ZMAT4: variants seen among roughly 807,000 people sequenced by gnomAD.
ZMAT4 encodes the protein zinc finger matrin-type protein 4.
Under a neutral mutation model 28.7 loss-of-function variants are expected in ZMAT4, and 17 were observed. The observed-to-expected ratio is 0.59, with a 90% CI of 0.41 to 0.89. The LOEUF is 0.89. Among genes scored for constraint, ZMAT4 ranks in the 40% least tolerant of loss-of-function variants. The pLI is 0.00. For synonymous variants in ZMAT4, 117 were observed against 109.2 expected (o/e 1.07, Z -0.44); for missense variants, 240 against 283.8 (o/e 0.85, Z 1.11).
intron 5 of ZMAT4, among the ~76,000 whole-genome samples, chr8:40,587,723 C>A (rs1804714561): frequency 6.6e-6 from 1 of 151,614 alleles, no homozygotes; most frequent in Non-Finnish European, 1.5e-5. Flanking sequence ...ATGGAAGAAA[C>A]AAATAGAAAA....
intron 1 of ZMAT4, among the ~76,000 whole-genome samples, chr8:40,843,862 G>A (rs557481152): frequency 2.0e-5 from 3 of 152,314 alleles, no homozygotes; most frequent in Admixed American, 1.3e-4. Flanking sequence ...TTGGCTGATT[G>A]GGCAATTGGG....
At chr8:40,694,038 T>C (rs748976907) in intron 4 of ZMAT4, among the ~76,000 whole-genome samples, 1 of 152,262 alleles carries the variant, frequency 6.6e-6, no homozygotes, top group East Asian at 1.9e-4. Context: ...TACATCTTGA[T>C]TCAGTTGACT....
intron 5 of ZMAT4, among the ~76,000 whole-genome samples, chr8:40,639,268 G>A (rs1806916357): frequency 6.6e-6 from 1 of 152,088 alleles, no homozygotes; most frequent in South Asian, 2.1e-4. Context: ...TGAAAATTGG[G>A]GATATAAAGA....
chr8:40,646,330 T>C, intron 5 of ZMAT4, among the ~76,000 whole-genome samples: 1 of 151,976 alleles, frequency 6.6e-6, no homozygotes, highest in East Asian at 1.9e-4. Context: ...GTTACCTTTT[T>C]AGCTATATTT....
At chr8:40,559,468 C>T (rs938555163) in intron 6 of ZMAT4, among the ~76,000 whole-genome samples, 8 of 152,102 alleles carry the variant, frequency 5.3e-5, no homozygotes, top group Admixed American at 6.5e-5. Context: ...TTCATACCTC[C>T]TCCTATAACC....
intron 5 of ZMAT4, among the ~76,000 whole-genome samples, chr8:40,646,497 A>AT (rs1267865328): frequency 6.6e-6 from 1 of 152,084 alleles, no homozygotes; most frequent in African/African-American, 2.4e-5. Context: ...ATATTTAATC[A>AT]ACTTTATAGT....
At chr8:40,550,680 G>A (rs1000729191) in intron 6 of ZMAT4, among the ~76,000 whole-genome samples, 2 of 152,004 alleles carry the variant, frequency 1.3e-5, no homozygotes. Flanking sequence ...CCCTGCTTGG[G>A]GTCACTCCAT....
chr8:40,679,765 G>T (rs775257597), intron 4 of ZMAT4, among the ~76,000 whole-genome samples: 2 of 152,168 alleles, frequency 1.3e-5, no homozygotes, highest in Non-Finnish European at 2.9e-5. Flanking sequence ...TTCTGTAATT[G>T]TCTACATTGT....
In ZMAT4 at chr8:40,878,114, A is replaced by G. The variant is rs1371972299; in HGVS notation, c.-5+19569T>C. Among the ~76,000 whole-genome samples the G allele has an allele frequency of 4.6e-5, 7 of 152,226 alleles. No homozygotes were observed. The South Asian group carries it at 1.0e-3, about 22-fold the overall frequency. ...ACAATGAATGAATGAATGGCTTCCA[A>G]TGGCAGAAAACATATAGCGGCTCCT... On this transcript the variant is annotated intron_variant, in intron 1 of 6. Coordinates refer to ENST00000297737, the MANE Select transcript of ZMAT4 (RefSeq NM_024645.3).
chr8:40,674,966 G>T, intron 4 of ZMAT4, 35 bp from the exon 5 acceptor site: 1 of 1,556,480 alleles, frequency 6.4e-7, no homozygotes, highest in Non-Finnish European at 8.8e-7. Flanking sequence ...CCACAGCCAC[G>T]TTAGTCCAAC....
At chr8:40,797,393 C>T (rs1814645640) in intron 2 of ZMAT4, among the ~76,000 whole-genome samples, 1 of 152,228 alleles carries the variant, frequency 6.6e-6, no homozygotes, top group Non-Finnish European at 1.5e-5. Flanking sequence ...ATCCTGCGTG[C>T]TGGGCCCCAG....
intron 2 of ZMAT4, among the ~76,000 whole-genome samples, chr8:40,781,763 A>G (rs1367783347): frequency 5.3e-5 from 3 of 56,946 alleles, no homozygotes; most frequent in Non-Finnish European, 1.0e-4. Context: ...CTCCGTCTCA[A>G]AAAAAAAAAA....
chr8:40,700,411 C>CTTTTTTTTT (rs1353453005), intron 3 of ZMAT4, among the ~76,000 whole-genome samples: 1 of 97,346 alleles, frequency 1.0e-5, no homozygotes, highest in African/African-American at 4.4e-5. Context: ...TGCTGCTTTT[C>CTTTTTTTTT]TTTTTTTTTT....
intron 6 of ZMAT4, among the ~76,000 whole-genome samples, chr8:40,570,028 G>C (rs1804043406): frequency 6.6e-6 from 1 of 152,120 alleles, no homozygotes; most frequent in South Asian, 2.1e-4. Flanking sequence ...CTCAGTGAGG[G>C]AACTTGTTTT....
intron 1 of ZMAT4, among the ~76,000 whole-genome samples, chr8:40,851,611 C>T (rs1817109649): frequency 1.3e-5 from 2 of 152,120 alleles, no homozygotes. Flanking sequence ...TTAATTGACA[C>T]ATAATAATTG....
intron 2 of ZMAT4, among the ~76,000 whole-genome samples, chr8:40,792,914 A>G (rs1372087737): frequency 2.0e-5 from 3 of 152,022 alleles, no homozygotes; most frequent in Admixed American, 2.0e-4. Flanking sequence ...AACTATGGAC[A>G]TGGCAAAAAG....
chr8:40,858,462 G>A (rs184692754), intron 1 of ZMAT4, among the ~76,000 whole-genome samples: 92 of 152,262 alleles, frequency 6.0e-4, no homozygotes, highest in Admixed American at 2.8e-3. Context: ...TCTTCCTTCT[G>A]GATCCTAAGA....
chr8:40,698,343 C>T (rs1021859195), intron 3 of ZMAT4, among the ~76,000 whole-genome samples: 2 of 152,160 alleles, frequency 1.3e-5, no homozygotes, highest in African/African-American at 4.8e-5. Flanking sequence ...ATTGTGCTCG[C>T]AGGTCATCAA....
At chr8:40,883,690 G>A (rs1160180191) in intron 1 of ZMAT4, among the ~76,000 whole-genome samples, 1 of 152,138 alleles carries the variant, frequency 6.6e-6, no homozygotes, top group African/African-American at 2.4e-5. Flanking sequence ...TTTAGGAGGA[G>A]AGAAAAAAGT....
Sources: allele counts gnomAD v4.1 joint callset (sites outside exome capture counted in the v4.1 genomes callset), GRCh38; gene constraint gnomAD v4.1.1; transcripts MANE v1.5; gene names NCBI Gene and HGNC (gene_info 2026-07-23, HGNC 2026-07-21).